The following TMEM119 variants were observed in gnomAD, a reference collection of about 807,000 sequenced individuals.
The protein encoded by TMEM119 is osteoblast induction factor.
For missense variants in TMEM119, 410 were observed against 381.0 expected (o/e 1.08, Z -0.63); for synonymous variants, 182 against 176.4 (o/e 1.03, Z -0.25).
intron 1 of TMEM119, among the ~76,000 whole-genome samples, chr12:108,593,302 G>A (rs886205659): frequency 6.6e-6 from 1 of 152,076 alleles, no homozygotes; most frequent in South Asian, 2.1e-4. Context: ...AAATCAGGCA[G>A]GCATGGTGTC....
chr12:108,591,994 C>T lies in TMEM119; in HGVS notation c.390G>A (p.Ser130=), dbSNP rs761927253. 2.6e-5 allele frequency: 42 copies of T among 1,613,538 alleles called. No homozygotes were observed. Among genetic ancestry groups the T allele is most frequent in the South Asian group, 4.4e-5 (4 of 91,064 alleles). The change falls in exon 2 of 2, where the codon TCG becomes TCA. Residue 130 remains serine, a synonymous_variant. Coordinates refer to ENST00000392806, the MANE Select transcript of TMEM119 (RefSeq NM_181724.3). The surrounding 1 kb of genome is among the most constrained non-coding windows in gnomAD (Gnocchi z 4.2). ...CCACGTACTTCTTCTTGGGGAAGGA[C>T]GATGGGTAATAGGCCGAGGCCTTCT... is the stretch of plus-strand genomic sequence containing the variant. ...QKQKASAYYP[S]SFPKKKYVDQ... is the part of the protein sequence containing the mutation.
At chr12:108,593,359 G>A (rs988957461) in intron 1 of TMEM119, among the ~76,000 whole-genome samples, 7 of 152,046 alleles carry the variant, frequency 4.6e-5, no homozygotes, top group Admixed American at 2.6e-4. Flanking sequence ...CAGGAAAATC[G>A]CTTGAACCTG....
In TMEM119 at chr12:108,592,192, G is replaced by A; in HGVS notation, c.192C>T (p.Pro64=). 1 of 1,613,686 alleles carries A rather than the reference G, an allele frequency of 6.2e-7. No individual in the cohort carries two copies. The highest frequency in any genetic ancestry group is 8.5e-7 in the Non-Finnish European group (1 of 1,179,850). ...TTATGGGCTGGGGCCCCATCGATGT[G>A]GGGCTGAGGGCCGGGGTCCAGGGTG... ...LPPPWTPALS[P]TSMGPQPITL... is the part of the protein sequence containing the mutation. Residue 64 remains proline, a synonymous_variant, in exon 2 of 2, where the codon CCC becomes CCT. Coordinates refer to ENST00000392806, the MANE Select transcript of TMEM119 (RefSeq NM_181724.3). This position sits in a 1 kb window ranked among gnomAD's most constrained non-coding sequence, Gnocchi z 4.3.
intron 1 of TMEM119, among the ~76,000 whole-genome samples, chr12:108,595,256 C>A (rs768891343): frequency 5.9e-5 from 9 of 151,430 alleles, no homozygotes; most frequent in Non-Finnish European, 1.2e-4. Flanking sequence ...TTCATACACG[C>A]CACACACTCA....
chr12:108,595,399 C>T (rs1421554686), intron 1 of TMEM119, among the ~76,000 whole-genome samples: 2 of 149,644 alleles, frequency 1.3e-5, no homozygotes, highest in African/African-American at 2.5e-5. Flanking sequence ...CATGCACACA[C>T]ATACCACACA....
At position 108,592,871 on chromosome 12, in the gene TMEM119, G is replaced by T. The variant is rs1465694083; in HGVS notation, c.-14-474C>A. ...GAGAGGGACGTGGTGACTTGCCAGG[G>T]AAGAGCTGGGTCTGGATCCAAGCAG... On this transcript the variant is annotated intron_variant, in intron 1 of 1. Transcript: ENST00000392806. This position sits in a 1 kb window ranked among gnomAD's most constrained non-coding sequence, Gnocchi z 4.3. Among the ~76,000 whole-genome samples, 2 of 152,048 alleles carry T rather than the reference G, an allele frequency of 1.3e-5. No homozygotes were observed. Among genetic ancestry groups the T allele is most frequent in the Admixed American group, 6.6e-5 (1 of 15,256 alleles).
At chr12:108,596,697 A>G (rs1481061063) in intron 1 of TMEM119, among the ~76,000 whole-genome samples, 1 of 152,200 alleles carries the variant, frequency 6.6e-6, no homozygotes, top group Non-Finnish European at 1.5e-5. Context: ...GGAATGAAGC[A>G]CTGTTCTGGG....
chr12:108,596,144 C>T (rs984362978), intron 1 of TMEM119, among the ~76,000 whole-genome samples: 4 of 152,110 alleles, frequency 2.6e-5, no homozygotes, highest in African/African-American at 9.7e-5. Flanking sequence ...TAGCTGAGCC[C>T]CGAGGAAAGA....
intron 1 of TMEM119, among the ~76,000 whole-genome samples, chr12:108,596,301 C>G (rs2031503185): frequency 6.6e-6 from 1 of 152,098 alleles, no homozygotes; most frequent in Non-Finnish European, 1.5e-5. Flanking sequence ...GAAAGACCAA[C>G]CTTTTCACCC....
intron 1 of TMEM119, among the ~76,000 whole-genome samples, chr12:108,596,903 G>A (rs2031513390): frequency 6.6e-6 from 1 of 152,222 alleles, no homozygotes; most frequent in Non-Finnish European, 1.5e-5. Context: ...GCAGAGCCCT[G>A]GACAGAGAAG....
rs1295730082 is a variant in TMEM119 at position 108,592,300 on chromosome 12, C to G, written c.84G>C (p.Val28=). Residue 28 remains valine, a synonymous_variant, in exon 2 of 2, where the codon GTG becomes GTC. Coordinates refer to ENST00000392806, the MANE Select transcript of TMEM119 (RefSeq NM_181724.3). This position sits in a 1 kb window ranked among gnomAD's most constrained non-coding sequence, Gnocchi z 4.3. ...CCTCCAGGAACGTGGCCTTCAGGGG[C>G]ACAGAGCGGGCGTCGGTAGCAGGCA... ...GSVPATDARS[V]PLKATFLEDV... is the part of the protein sequence containing the mutation. The G allele has an allele frequency of 6.2e-7, 1 of 1,606,872 alleles. No individual in the cohort carries two copies. The highest frequency in any genetic ancestry group is 8.5e-7 in the Non-Finnish European group (1 of 1,178,658).
chr12:108,592,951 G>A lies in TMEM119; in HGVS notation c.-14-554C>T, dbSNP rs1337806046. Among the ~76,000 whole-genome samples, 1 of 151,718 alleles carries A rather than the reference G, an allele frequency of 6.6e-6. No homozygotes were observed. On this transcript the variant is annotated intron_variant, in intron 1 of 1. Transcript: ENST00000392806. This position sits in a 1 kb window ranked among gnomAD's most constrained non-coding sequence, Gnocchi z 4.3. ...AGTGAGAAACCGATTGAGTGACTGA[G>A]GTTGCTGAGTGACACCTCACCCCCT... is the stretch of plus-strand genomic sequence containing the variant.
At position 108,591,722 on chromosome 12, in the gene TMEM119, C is replaced by T. The variant is rs1328359947; in HGVS notation, c.662G>A (p.Gly221Glu). 1.2e-6 allele frequency: 2 copies of T among 1,609,484 alleles called. No individual in the cohort carries two copies. The highest frequency in any genetic ancestry group is 4.5e-5 in the East Asian group (2 of 44,818). Reference protein sequence around the residue: ...GSQEGDQEVQGHGVPVETPEA... With the variant: ...GSQEGDQEVQEHGVPVETPEA... Reference sequence around the variant, plus strand: ...TGGTGTCTCCACTGGGACCCCATGTCCCTGGACTTCCTGGTCCCCCTCCTG... The same window carrying T: ...TGGTGTCTCCACTGGGACCCCATGTTCCTGGACTTCCTGGTCCCCCTCCTG... Residue 221 changes from glycine (G) to glutamate (E), a missense_variant, in exon 2 of 2, where the codon GGA becomes GAA. Coordinates refer to ENST00000392806, the MANE Select transcript of TMEM119 (RefSeq NM_181724.3). This position sits in a 1 kb window ranked among gnomAD's most constrained non-coding sequence, Gnocchi z 4.2.
chr12:108,594,983 G>A (rs757614063), intron 1 of TMEM119, among the ~76,000 whole-genome samples: 25 of 152,042 alleles, frequency 1.6e-4, no homozygotes, highest in Non-Finnish European at 3.1e-4. Flanking sequence ...CTTTCCTCGC[G>A]GGTACTCATC....
rs957370602 is a variant in TMEM119, at chr12:108,591,364, G to A, written c.*168C>T. On this transcript the variant is annotated 3_prime_UTR_variant, in exon 2 of 2. Transcript: ENST00000392806. The surrounding 1 kb of genome is among the most constrained non-coding windows in gnomAD (Gnocchi z 4.2). ...CTTGGTAAGATTCCTCCGGGGCACC[G>A]GGGACCAGCATTTCTGCCTGCTGTA... is the stretch of plus-strand genomic sequence containing the variant. 28 of 782,826 alleles carry A rather than the reference G, an allele frequency of 3.6e-5. No individual in the cohort carries two copies. The highest frequency in any genetic ancestry group is 5.3e-5 in the African/African-American group (3 of 57,052). 48.5% of individuals were successfully genotyped at this position (782,826 alleles called of 1,614,324 possible). A position where few individuals can be genotyped will look rare whatever the true frequency, so the allele number is the denominator to read the frequency against.
chr12:108,591,833 T>C lies in TMEM119; in HGVS notation c.551A>G (p.Lys184Arg). Residue 184 changes from lysine (K) to arginine (R), a missense_variant, in exon 2 of 2, where the codon AAG becomes AGG. Transcript: ENST00000392806. The surrounding 1 kb of genome is among the most constrained non-coding windows in gnomAD (Gnocchi z 4.2). ...GCCCAGTGCAGCCCTGGTGGGGGAC[T>C]TGAGGTTCTGGGTGGCGGCCAAGAT... ...ADILAATQNL[K>R]SPTRAALGGG... 6.2e-7 allele frequency: 1 copy of C among 1,601,556 alleles called. No individual in the cohort carries two copies.
At chr12:108,593,806 C>T (rs978177759) in intron 1 of TMEM119, among the ~76,000 whole-genome samples, 1 of 152,252 alleles carries the variant, frequency 6.6e-6, no homozygotes, top group Non-Finnish European at 1.5e-5. Context: ...AAAACACTGT[C>T]TCTCCCAGCC....
Position 108,591,771 on chromosome 12 carries a change from C to A in TMEM119, c.613G>T (p.Ala205Ser), listed in dbSNP as rs575737199. The change falls in exon 2 of 2, where the codon GCA (alanine) becomes TCA (serine). Residue 205 changes from alanine (A) to serine (S), a missense_variant. Physicochemically the swap from Ala to Ser is moderately conservative, Grantham distance 99. Coordinates refer to ENST00000392806, the MANE Select transcript of TMEM119 (RefSeq NM_181724.3). The surrounding 1 kb of genome is among the most constrained non-coding windows in gnomAD (Gnocchi z 4.2). Reference protein sequence around the residue: ...DGARMVEGRGAEEEEKGSQEG... With the variant: ...DGARMVEGRGSEEEEKGSQEG... ...TGGCTGCCCTTCTCCTCTTCCTCTG[C>A]GCCCCTGCCCTCCACCATCCTGGCT... is the stretch of plus-strand genomic sequence containing the variant. The A allele has an allele frequency of 1.9e-6, 3 of 1,593,918 alleles. No homozygotes were observed. Among genetic ancestry groups the A allele is most frequent in the South Asian group, 1.1e-5 (1 of 88,596 alleles).
At chr12:108,593,451 G>GA (rs75537287) in intron 1 of TMEM119, among the ~76,000 whole-genome samples, 112 of 141,428 alleles carry the variant, frequency 7.9e-4, no homozygotes, top group East Asian at 1.8e-3. Flanking sequence ...ATCTCAAGAA[G>GA]AAAAAAAAAA....
Sources: allele counts gnomAD v4.1 joint callset (sites outside exome capture counted in the v4.1 genomes callset), GRCh38; gene constraint gnomAD v4.1.1; non-coding constraint Gnocchi (gnomAD v3.1); transcripts MANE v1.5; gene names NCBI Gene and HGNC (gene_info 2026-07-23, HGNC 2026-07-21).